HIF3A: variants seen among roughly 807,000 people sequenced by gnomAD.
HIF3A encodes the protein hypoxia-inducible factor 3-alpha.
A neutral mutation model predicts 67.2 loss-of-function variants in HIF3A; 41 were observed. That is an observed-to-expected ratio of 0.61 (90% CI 0.48 to 0.79). The LOEUF (loss-of-function observed/expected upper bound fraction) is 0.79. HIF3A is among the 30% of genes least tolerant of loss of function. The pLI is 0.00. For synonymous variants in HIF3A, 356 were observed against 374.8 expected, an observed-to-expected ratio of 0.95 and a Z score of 0.58; for missense variants, 855 against 898.0, an observed-to-expected ratio of 0.95 and a Z score of 0.61.
chr19:46,309,008 G>T, intron 5 of HIF3A, 143 bp from the exon 6 acceptor site: 1 of 745,590 alleles, frequency 1.3e-6, no homozygotes, highest in Non-Finnish European at 2.2e-6. Context: ...TGGGGCTGGG[G>T]ATCCTCAGTC....
chr19:46,337,693 C>A (rs899667456), intron 14 of HIF3A, among the ~76,000 whole-genome samples: 1 of 152,164 alleles, frequency 6.6e-6, no homozygotes, highest in Non-Finnish European at 1.5e-5. Flanking sequence ...TGCCTCAGGG[C>A]CTTTGCATAT....
At position 46,297,937 on chromosome 19, in the gene HIF3A, G is replaced by A. The variant is rs542595439; in HGVS notation, c.26+835G>A. ...GGCTGTGATGGGAACGCCCCCTGCCGCAGTACTCAGATGGGGTCATCCCGG... is the reference window on the plus strand; with the variant it reads ...GGCTGTGATGGGAACGCCCCCTGCCACAGTACTCAGATGGGGTCATCCCGG... On this transcript the variant is annotated intron_variant, in intron 1 of 14. Transcript: ENST00000377670. This position sits in a 1 kb window ranked among gnomAD's most constrained non-coding sequence, Gnocchi z 4.5. Among the ~76,000 whole-genome samples, 1,245 of 152,112 alleles carry A rather than the reference G, an allele frequency of 8.2e-3. 9 individuals are homozygous for A. The highest frequency in any genetic ancestry group is 0.013 in the Non-Finnish European group (860 of 67,958).
At chr19:46,336,685 C>A (rs1019424995) in intron 14 of HIF3A, among the ~76,000 whole-genome samples, 2 of 152,074 alleles carry the variant, frequency 1.3e-5, no homozygotes, top group Non-Finnish European at 2.9e-5. Context: ...CCGCACCAGG[C>A]CCCTGTCTCT....
At chr19:46,313,126 C>A in intron 8 of HIF3A, 1 of 547,802 alleles carries the variant, frequency 1.8e-6, no homozygotes, top group Non-Finnish European at 2.3e-6. Flanking sequence ...TGACACATGC[C>A]TGTAATCCCA....
intron 12 of HIF3A, 24 bp from the exon 13 acceptor site, chr19:46,331,132 A>C (rs983902337): frequency 6.3e-7 from 1 of 1,588,310 alleles, no homozygotes; most frequent in African/African-American, 1.3e-5. Context: ...CTGTGTCCTG[A>C]GATTCTTGCC....
chr19:46,297,570 C>T lies in HIF3A; in HGVS notation c.26+468C>T, dbSNP rs1419970011. On this transcript the variant is annotated intron_variant, in intron 1 of 14. Transcript: ENST00000377670. The surrounding 1 kb of genome is among the most constrained non-coding windows in gnomAD (Gnocchi z 4.5). Reference sequence around the variant, plus strand: ...GATACCCCTAAATGGAGCCTTCCCACATATAGGGAGTCCCTTGGAATGGCA... The same window carrying T: ...GATACCCCTAAATGGAGCCTTCCCATATATAGGGAGTCCCTTGGAATGGCA... 1.3e-5 allele frequency among the ~76,000 whole-genome samples: 2 copies of T among 152,006 alleles called. No individual in the cohort carries two copies. The highest frequency in any genetic ancestry group is 2.9e-5 in the Non-Finnish European group (2 of 67,948).
intron 10 of HIF3A, among the ~76,000 whole-genome samples, chr19:46,324,985 T>TGTGTG: frequency 7.8e-6 from 1 of 127,928 alleles, no homozygotes; most frequent in East Asian, 2.4e-4. Context: ...CACACATATA[T>TGTGTG]TGTGTGTGTG....
At chr19:46,317,045 C>G (rs1969970993) in intron 8 of HIF3A, among the ~76,000 whole-genome samples, 1 of 152,116 alleles carries the variant, frequency 6.6e-6, no homozygotes, top group South Asian at 2.1e-4. Flanking sequence ...CTGAGCCTCC[C>G]AAGTAGCTGG....
intron 14 of HIF3A, 75 bp from the exon 15 acceptor site, chr19:46,339,450 T>G: frequency 2.2e-6 from 2 of 920,160 alleles, no homozygotes; most frequent in Non-Finnish European, 3.2e-6. Flanking sequence ...ATTCCTGACA[T>G]TGGGGTTATG....
intron 1 of HIF3A, among the ~76,000 whole-genome samples, chr19:46,300,278 C>T (rs569816843): frequency 3.9e-5 from 6 of 152,278 alleles, no homozygotes; most frequent in Non-Finnish European, 7.4e-5. Flanking sequence ...CACTATGGGG[C>T]GTGTAGAGTA....
chr19:46,319,218 T>C lies in HIF3A; in HGVS notation c.1026-1225T>C, dbSNP rs561903450. ...GTACCGAGTGTGTATACAAGTTCGA[T>C]TGTGTGTGCTTGTATCTTTCAGGGG... On this transcript the variant is annotated intron_variant, in intron 8 of 14. Transcript: ENST00000377670. Among the ~76,000 whole-genome samples the C allele has an allele frequency of 3.3e-5, 5 of 152,200 alleles. No individual in the cohort carries two copies. In the East Asian group the frequency reaches 9.6e-4, roughly 29 times the overall value.
chr19:46,324,091 G>C (rs182839513), intron 10 of HIF3A, among the ~76,000 whole-genome samples: 36 of 152,284 alleles, frequency 2.4e-4, no homozygotes, highest in Non-Finnish European at 5.9e-5. Flanking sequence ...AAGAGTCAAA[G>C]TGTCTAATAT....
intron 12 of HIF3A, 70 bp from the exon 13 acceptor site, chr19:46,331,086 C>T (rs931116453): frequency 2.1e-5 from 26 of 1,216,352 alleles, no homozygotes; most frequent in Non-Finnish European, 2.7e-5. Flanking sequence ...ATGCTCATCA[C>T]CTGCTTACAC....
rs1568556736 is a variant in HIF3A at position 46,341,633 on chromosome 19, C to CT, written c.*2011_*2012insT. ...TTGATGTGTTTATCTCTTTTTTCTTCCTCTTCTTTTTTTTTTTTTTCTTTT... is the reference window on the plus strand; with the variant it reads ...TTGATGTGTTTATCTCTTTTTTCTTCTCTCTTCTTTTTTTTTTTTTTCTTTT... On this transcript the variant is annotated 3_prime_UTR_variant, in exon 15 of 15. Transcript: ENST00000377670. 436 of 149,948 alleles carry CT rather than the reference C, an allele frequency of 2.9e-3. 2 individuals are homozygous for CT. The highest frequency in any genetic ancestry group is 0.011 in the African/African-American group (423 of 39,884). 9.3% of individuals were successfully genotyped at this position (149,948 alleles called of 1,614,324 possible).
chr19:46,319,034 C>T lies in HIF3A; in HGVS notation c.1026-1409C>T, dbSNP rs1970158581. Among the ~76,000 whole-genome samples the T allele has an allele frequency of 2.0e-5, 3 of 152,160 alleles. No individual in the cohort carries two copies. The South Asian group carries it at 6.2e-4, about 31-fold the overall frequency. ...ACAGAGTCCTTGCTGTGAACCACTACACAGCAGTGCTTGATGAGGATATAT... is the reference window on the plus strand; with the variant it reads ...ACAGAGTCCTTGCTGTGAACCACTATACAGCAGTGCTTGATGAGGATATAT... On this transcript the variant is annotated intron_variant, in intron 8 of 14. Coordinates refer to ENST00000377670, the MANE Select transcript of HIF3A (RefSeq NM_152795.4).
At chr19:46,305,037 C>T (rs538476281) in intron 2 of HIF3A, 1 of 714,872 alleles carries the variant, frequency 1.4e-6, no homozygotes, top group South Asian at 1.5e-5. Context: ...TTCTGCCACC[C>T]TGGGAGGCCC....
intron 11 of HIF3A, among the ~76,000 whole-genome samples, chr19:46,326,979 C>T (rs983242128): frequency 2.0e-5 from 3 of 152,086 alleles, no homozygotes; most frequent in East Asian, 1.9e-4. Context: ...TGGTGAAACC[C>T]TGTCTCTACT....
intron 14 of HIF3A, 143 bp downstream of exon 14, chr19:46,335,129 T>G: frequency 1.7e-6 from 1 of 591,472 alleles, no homozygotes; most frequent in Non-Finnish European, 2.9e-6. Context: ...CTGTCTCTTC[T>G]CTCTTCTCAT....
chr19:46,305,819 G>T (rs938233979), intron 3 of HIF3A, among the ~76,000 whole-genome samples: 4 of 152,210 alleles, frequency 2.6e-5, no homozygotes, highest in African/African-American at 9.7e-5. Flanking sequence ...GCTCACACCT[G>T]TAATCCCAGC....
Sources: allele counts gnomAD v4.1 joint callset (sites outside exome capture counted in the v4.1 genomes callset), GRCh38; gene constraint gnomAD v4.1.1; non-coding constraint Gnocchi (gnomAD v3.1); transcripts MANE v1.5; gene names NCBI Gene and HGNC (gene_info 2026-07-23, HGNC 2026-07-21).